The following DOCK11 variants were observed in gnomAD, a reference collection of about 807,000 sequenced individuals.
DOCK11 encodes dedicator of cytokinesis 11, also known as dedicator of cytokinesis protein 11.
Under a neutral mutation model 169.1 loss-of-function variants are expected in DOCK11, and 70 were observed. That is an observed-to-expected ratio of 0.41 (90% confidence interval 0.34 to 0.51). The LOEUF (loss-of-function observed/expected upper bound fraction) is 0.51, where lower values mean the gene tolerates loss of function less well. Ranked by LOEUF, DOCK11 falls within the 20% of genes least tolerant of loss-of-function variation. The pLI, the probability that DOCK11 is intolerant of heterozygous loss-of-function variation, is 0.10. For missense variants in DOCK11, 1,166 were observed against 1,538.8 expected (o/e 0.76, Z 4.05); for synonymous variants, 529 against 541.3 (o/e 0.98, Z 0.32).
At chrX:118,550,839 AG>A (rs1464910564) in intron 6 of DOCK11, among the ~76,000 whole-genome samples, 1 of 112,375 alleles carries the variant, frequency 8.9e-6, no homozygotes, top group Non-Finnish European at 1.9e-5. Flanking sequence ...ACTGAGACAA[AG>A]GGTTGACAGA....
intron 6 of DOCK11, among the ~76,000 whole-genome samples, chrX:118,550,901 A>C (rs1849763694): frequency 8.9e-6 from 1 of 111,745 alleles, no homozygotes; most frequent in Admixed American, 9.5e-5. Context: ...GTAATGTTTG[A>C]AGTGAAGAAT....
intron 1 of DOCK11, among the ~76,000 whole-genome samples, chrX:118,538,289 C>G: frequency 8.9e-6 from 1 of 111,741 alleles, no homozygotes; most frequent in Non-Finnish European, 1.9e-5. Flanking sequence ...GAACTTAGGC[C>G]TCTGAGCCAG....
rs35095116 is a variant in DOCK11 at position 118,581,805 on chromosome X, T to TAAAAAAA, written c.1595+1655_1595+1661dup. Among the ~76,000 whole-genome samples the TAAAAAAA allele has an allele frequency of 3.5e-3, 45 of 12,746 alleles. 7 individuals carry two copies. The highest frequency in any genetic ancestry group is 0.018 in the Admixed American group (15 of 850). The allele number at this position is 12,746 out of a possible 115,157, so 11.1% of individuals were successfully genotyped here. On this transcript the variant is annotated intron_variant, in intron 14 of 52. Transcript: ENST00000276202. ...GGCGACAGAGCGAGACTCCGTCTCC[T>TAAAAAAA]AAAAAAAAAAAAAAAAAAAAAAAAA...
At position 118,662,562 on chromosome X, in the gene DOCK11, C is replaced by T. The variant is rs193142774; in HGVS notation, c.4970-124C>T. On this transcript the variant is annotated intron_variant, in intron 44 of 52. Transcript: ENST00000276202. ...AAAATTTTTGTAAGTGAAAATTGTA[C>T]TTAAGACTTTGATTCTTACAAAAAT... 2.5e-3 allele frequency: 1,015 copies of T among 405,987 alleles called. 4 individuals carry two copies. The highest frequency in any genetic ancestry group is 0.023 in the African/African-American group (909 of 39,396). The allele number at this position is 405,987 out of a possible 1,213,427, so 33.5% of individuals were successfully genotyped here. A position where few individuals can be genotyped will look rare whatever the true frequency, so the allele number is the denominator to read the frequency against.
At chrX:118,618,135 G>T (rs1283673342) in intron 30 of DOCK11, among the ~76,000 whole-genome samples, 1 of 111,532 alleles carries the variant, frequency 9.0e-6, no homozygotes, top group Non-Finnish European at 1.9e-5. Context: ...AGTATAAATG[G>T]ATAAGTAAAT....
At chrX:118,500,185 A>G (rs1057398660) in intron 1 of DOCK11, among the ~76,000 whole-genome samples, 12 of 109,193 alleles carry the variant, frequency 1.1e-4, no homozygotes, top group African/African-American at 3.7e-4. Flanking sequence ...AGTAGCTGGG[A>G]CTACAGGCGC....
intron 30 of DOCK11, chrX:118,616,149 T>C: frequency 1.3e-6 from 1 of 798,699 alleles, no homozygotes; most frequent in Non-Finnish European, 1.7e-6. Flanking sequence ...ATAGCACTAT[T>C]CTTATGTTAC....
At chrX:118,577,682 C>T (rs1047098147) in intron 12 of DOCK11, among the ~76,000 whole-genome samples, 2 of 111,608 alleles carry the variant, frequency 1.8e-5, no homozygotes, top group African/African-American at 6.5e-5. Flanking sequence ...TTCTATTCTG[C>T]CCTGTCTACC....
chrX:118,589,877 A>G (rs185732521), intron 18 of DOCK11, among the ~76,000 whole-genome samples: 28 of 112,810 alleles, frequency 2.5e-4, no homozygotes, highest in African/African-American at 8.7e-4. Flanking sequence ...TGCAAGTAGC[A>G]TAAGAGAAGT....
chrX:118,515,274 C>T (rs774731440), intron 1 of DOCK11, among the ~76,000 whole-genome samples: 28 of 112,371 alleles, frequency 2.5e-4, no homozygotes, highest in African/African-American at 9.0e-4. Context: ...GCTCTTGTTG[C>T]CCAGGCTGGA....
At chrX:118,557,763 CAAAAAAAA>C (rs773728594) in intron 6 of DOCK11, among the ~76,000 whole-genome samples, 31 of 24,339 alleles carry the variant, frequency 1.3e-3, no homozygotes, top group Admixed American at 9.2e-3. Flanking sequence ...GACTCTGTCT[CAAAAAAAA>C]AAAAAAAAAA....
Position 118,584,696 on chromosome X carries a change from ATTT to A in DOCK11, c.1596-30_1596-28del, listed in dbSNP as rs376283615. On this transcript the variant is annotated intron_variant, in intron 14 of 52. Coordinates refer to ENST00000276202, the MANE Select transcript of DOCK11 (RefSeq NM_144658.4). ...TTTTATCTTAATTTATCAACATGGA[ATTT>A]TTTTTTTTAAAAAAATGCTTCTGTT... is the stretch of plus-strand genomic sequence containing the variant. 261 of 961,579 alleles carry A rather than the reference ATTT, an allele frequency of 2.7e-4. 3 individuals carry two copies. The highest frequency in any genetic ancestry group is 1.2e-3 in the Admixed American group (33 of 26,811). The allele number at this position is 961,579 out of a possible 1,213,427, so 79.2% of individuals were successfully genotyped here.
At chrX:118,520,726 A>G (rs2057716843) in intron 1 of DOCK11, among the ~76,000 whole-genome samples, 1 of 112,105 alleles carries the variant, frequency 8.9e-6, no homozygotes, top group Non-Finnish European at 1.9e-5. Context: ...ATCATAGATG[A>G]CTCATTGGAA....
At chrX:118,621,995 T>C (rs1339749249) in intron 31 of DOCK11, among the ~76,000 whole-genome samples, 2 of 111,899 alleles carry the variant, frequency 1.8e-5, no homozygotes, top group Non-Finnish European at 3.8e-5. Flanking sequence ...GAATGTTCAA[T>C]ATCTAACATT....
intron 18 of DOCK11, among the ~76,000 whole-genome samples, chrX:118,588,753 G>A (rs1016351661): frequency 1.9e-4 from 21 of 111,947 alleles, no homozygotes; most frequent in Admixed American, 9.5e-5. Flanking sequence ...TTGCAAGGTC[G>A]TTTTCTTATG....
intron 1 of DOCK11, among the ~76,000 whole-genome samples, chrX:118,504,066 A>G (rs375858025): frequency 9.9e-5 from 11 of 110,742 alleles, no homozygotes; most frequent in African/African-American, 3.6e-4. Context: ...GAAGTACGCA[A>G]ATAACCTACA....
At chrX:118,554,219 G>T (rs1309711478) in intron 6 of DOCK11, among the ~76,000 whole-genome samples, 2 of 111,364 alleles carry the variant, frequency 1.8e-5, no homozygotes, top group Admixed American at 1.9e-4. Flanking sequence ...CATTGTGGAG[G>T]GTAGAGAGAA....
chrX:118,679,966 G>T (rs763502002), intron 48 of DOCK11, among the ~76,000 whole-genome samples: 1 of 77,167 alleles, frequency 1.3e-5, no homozygotes, highest in Non-Finnish European at 2.3e-5. Flanking sequence ...TCACTTTGTC[G>T]CCCAGACTGG....
At chrX:118,588,851 G>C (rs1281904803) in intron 18 of DOCK11, among the ~76,000 whole-genome samples, 1 of 112,257 alleles carries the variant, frequency 8.9e-6, no homozygotes, top group African/African-American at 3.2e-5. Context: ...CAGAAGCACA[G>C]CATGACTGCT....
Sources: allele counts gnomAD v4.1 joint callset (sites outside exome capture counted in the v4.1 genomes callset), GRCh38; gene constraint gnomAD v4.1.1; transcripts MANE v1.5; gene names NCBI Gene and HGNC (gene_info 2026-07-23, HGNC 2026-07-21).